Variants in DPP10 observed in about 807,000 individuals in gnomAD.
The protein encoded by DPP10 is dipeptidyl peptidase like 10, also known as inactive dipeptidyl peptidase 10.
In DPP10, 33 loss-of-function variants were observed where a neutral mutation model predicts 120.9. That is an observed-to-expected ratio of 0.27 (90% CI 0.21 to 0.37). The LOEUF (loss-of-function observed/expected upper bound fraction) is 0.37. Ranked by LOEUF, DPP10 falls within the 10% of genes least tolerant of loss-of-function variation. The probability of loss-of-function intolerance (pLI) is 1.00; values close to 1 mark genes in which losing one functional copy is unlikely to be tolerated. For missense variants in DPP10, 816 were observed against 942.8 expected (o/e 0.87, Z 1.76); for synonymous variants, 337 against 326.1 (o/e 1.03, Z -0.36).
intron 1 of DPP10, among the ~76,000 whole-genome samples, chr2:114,472,592 A>T (rs1271829664): frequency 6.6e-6 from 1 of 152,192 alleles, no homozygotes. Context: ...GCTGCGTCTC[A>T]GCCTAATATT....
intron 1 of DPP10, among the ~76,000 whole-genome samples, chr2:115,020,168 A>C (rs1702969594): frequency 6.6e-6 from 1 of 152,210 alleles, no homozygotes; most frequent in Non-Finnish European, 1.5e-5. Flanking sequence ...TCTCAATACT[A>C]GCATTGAATG....
At chr2:115,031,802 G>A (rs1011705340) in intron 1 of DPP10, among the ~76,000 whole-genome samples, 1 of 151,848 alleles carries the variant, frequency 6.6e-6, no homozygotes, top group Non-Finnish European at 1.5e-5. Context: ...TTCATCTCAG[G>A]TTTCAAACCA....
At chr2:114,903,173 A>G (rs1693714981) in intron 1 of DPP10, among the ~76,000 whole-genome samples, 1 of 152,102 alleles carries the variant, frequency 6.6e-6, no homozygotes, top group African/African-American at 2.4e-5. Context: ...TGTCTGATGT[A>G]CCACAGTTGA....
intron 3 of DPP10, among the ~76,000 whole-genome samples, chr2:115,390,799 G>T (rs1469760858): frequency 6.6e-6 from 1 of 152,084 alleles, no homozygotes; most frequent in Non-Finnish European, 1.5e-5. Flanking sequence ...TAAAAATTGG[G>T]ATCTATGTGC....
chr2:115,214,130 C>A (rs998960879), intron 1 of DPP10, among the ~76,000 whole-genome samples: 1 of 152,120 alleles, frequency 6.6e-6, no homozygotes, highest in Non-Finnish European at 1.5e-5. Context: ...CTGGCAAATG[C>A]GGCCAGTGGC....
intron 7 of DPP10, among the ~76,000 whole-genome samples, chr2:115,703,543 G>A (rs1261036382): frequency 6.6e-6 from 1 of 151,996 alleles, no homozygotes; most frequent in East Asian, 1.9e-4. Flanking sequence ...AATCTGTCGG[G>A]CAGGTTGGCA....
chr2:115,375,495 G>A (rs539416730), intron 3 of DPP10, among the ~76,000 whole-genome samples: 1 of 152,202 alleles, frequency 6.6e-6, no homozygotes, highest in Admixed American at 6.5e-5. Flanking sequence ...TTCTTCTTCT[G>A]ACCCCTCCAA....
chr2:115,394,189 T>A (rs1241679793), intron 3 of DPP10, among the ~76,000 whole-genome samples: 1 of 152,182 alleles, frequency 6.6e-6, no homozygotes, highest in African/African-American at 2.4e-5. Context: ...TTCATTTTTT[T>A]AAACTTGGAT....
At chr2:115,517,981 T>C (rs2077591613) in intron 4 of DPP10, among the ~76,000 whole-genome samples, 1 of 152,162 alleles carries the variant, frequency 6.6e-6, no homozygotes, top group Non-Finnish European at 1.5e-5. Context: ...GCTTTATTCA[T>C]AGTGGAAGGT....
intron 1 of DPP10, among the ~76,000 whole-genome samples, chr2:114,870,575 A>T (rs1690616131): frequency 1.2e-5 from 1 of 82,858 alleles, no homozygotes; most frequent in Admixed American, 1.4e-4. Context: ...AAGGACACAT[A>T]TAAAAGGATG....
At chr2:114,700,592 CT>C (rs1025247698) in intron 1 of DPP10, among the ~76,000 whole-genome samples, 1 of 152,046 alleles carries the variant, frequency 6.6e-6, no homozygotes, top group Non-Finnish European at 1.5e-5. Flanking sequence ...AAACCTTTTC[CT>C]TTTGTCATCC....
At chr2:114,999,417 C>G (rs1701296782) in intron 1 of DPP10, among the ~76,000 whole-genome samples, 2 of 152,122 alleles carry the variant, frequency 1.3e-5, no homozygotes, top group African/African-American at 4.8e-5. Flanking sequence ...TTTCTTTTGC[C>G]ATGTCGAATT....
At chr2:114,582,322 T>C (rs985046318) in intron 1 of DPP10, among the ~76,000 whole-genome samples, 6 of 152,258 alleles carry the variant, frequency 3.9e-5, no homozygotes, top group Admixed American at 2.6e-4. Context: ...AGGTGCGCCA[T>C]AATTTATTCT....
At chr2:115,788,196 T>G (rs1383263253) in intron 17 of DPP10, among the ~76,000 whole-genome samples, 1 of 152,146 alleles carries the variant, frequency 6.6e-6, no homozygotes, top group African/African-American at 2.4e-5. Context: ...GAAAGAAATT[T>G]ATGACTCTAA....
chr2:115,661,079 A>G (rs1282064037), intron 5 of DPP10, among the ~76,000 whole-genome samples: 2 of 151,906 alleles, frequency 1.3e-5, no homozygotes, highest in Non-Finnish European at 2.9e-5. Context: ...CCTCCCGAGT[A>G]GCTGGGATTA....
At chr2:115,646,480 G>C (rs148722721) in intron 5 of DPP10, among the ~76,000 whole-genome samples, 2 of 152,132 alleles carry the variant, frequency 1.3e-5, no homozygotes, top group African/African-American at 4.8e-5. Context: ...AGTCCCACCT[G>C]CATTATTTGT....
intron 1 of DPP10, among the ~76,000 whole-genome samples, chr2:115,292,420 G>A (rs957197884): frequency 7.9e-5 from 12 of 152,130 alleles, no homozygotes; most frequent in Non-Finnish European, 1.0e-4. Context: ...ATATTCTTGG[G>A]ATCTAAATTT....
intron 12 of DPP10, among the ~76,000 whole-genome samples, chr2:115,768,014 A>G (rs1429192801): frequency 6.6e-6 from 1 of 152,192 alleles, no homozygotes; most frequent in Non-Finnish European, 1.5e-5. Context: ...TGTTTGAACC[A>G]ATTTAAAAAG....
At chr2:115,229,381 A>G (rs550220468) in intron 1 of DPP10, among the ~76,000 whole-genome samples, 12 of 152,178 alleles carry the variant, frequency 7.9e-5, no homozygotes, top group Non-Finnish European at 1.5e-4. Flanking sequence ...TTAACTTGAT[A>G]TGATTCCATT....
Sources: allele counts gnomAD v4.1 joint callset (sites outside exome capture counted in the v4.1 genomes callset), GRCh38; gene constraint gnomAD v4.1.1; transcripts MANE v1.5; gene names NCBI Gene and HGNC (gene_info 2026-07-23, HGNC 2026-07-21).